Variants in MRPS6 observed in about 807,000 individuals in gnomAD.
MRPS6 encodes mitochondrial ribosomal protein S6, also known as small ribosomal subunit protein bS6m.
Under a neutral mutation model 13.1 loss-of-function variants are expected in MRPS6, and 6 were observed. The observed-to-expected ratio is 0.46, with a 90% CI of 0.25 to 0.91. The LOEUF is 0.91. Ranked by LOEUF, MRPS6 falls within the 40% of genes least tolerant of loss-of-function variation. The probability of loss-of-function intolerance (pLI) is 0.18; values close to 1 mark genes in which losing one functional copy is unlikely to be tolerated. For synonymous variants in MRPS6, 61 were observed against 56.5 expected, an observed-to-expected ratio of 1.08 and a Z score of -0.36; for missense variants, 164 against 155.6, an observed-to-expected ratio of 1.05 and a Z score of -0.29.
At chr21:34,137,313 G>A (rs151044909) in intron 2 of MRPS6, among the ~76,000 whole-genome samples, 1 of 152,140 alleles carries the variant, frequency 6.6e-6, no homozygotes, top group African/African-American at 2.4e-5. Context: ...CCGTGAACAA[G>A]ATATACCTGA....
intron 1 of MRPS6, chr21:34,100,690 T>G (rs62212119): frequency 1.0e-6 from 1 of 1,000,016 alleles, no homozygotes; most frequent in East Asian, 1.1e-4. Context: ...TATGCACTTC[T>G]GTAACTTGAG....
At chr21:34,125,570 A>G (rs1372785431) in intron 2 of MRPS6, 90 bp downstream of exon 2, 1 of 1,536,540 alleles carries the variant, frequency 6.5e-7, no homozygotes, top group African/African-American at 1.4e-5. Flanking sequence ...TTAAAATTTC[A>G]CATTGAGACC....
At position 34,096,383 on chromosome 21, in the gene MRPS6, C is replaced by T; in HGVS notation, c.45+22638C>T. ...GTACCATATTCACCCTCGATGTGTA[C>T]AAACTTATCCGCAAGAGCGCAAGCT... On this transcript the variant is annotated intron_variant, in intron 1 of 2. Coordinates refer to ENST00000399312, the MANE Select transcript of MRPS6 (RefSeq NM_032476.4). This position sits in a 1 kb window ranked among gnomAD's most constrained non-coding sequence, Gnocchi z 5.9. 6.2e-7 allele frequency: 1 copy of T among 1,614,142 alleles called. No individual in the cohort carries two copies. Among genetic ancestry groups the T allele is most frequent in the South Asian group, 1.1e-5 (1 of 91,084 alleles).
intron 2 of MRPS6, among the ~76,000 whole-genome samples, chr21:34,134,262 T>G (rs944337008): frequency 6.6e-6 from 1 of 152,226 alleles, no homozygotes; most frequent in Non-Finnish European, 1.5e-5. Context: ...CAGGATTATG[T>G]GTAGTTTTCA....
Position 34,106,361 on chromosome 21 carries a change from T to A in MRPS6, c.46-18980T>A, listed in dbSNP as rs114037685. On this transcript the variant is annotated intron_variant, in intron 1 of 2. Coordinates refer to ENST00000399312, the MANE Select transcript of MRPS6 (RefSeq NM_032476.4). ...TTTGTACCTCAGTTTCTTTTGCCCT[T>A]GGCCCATGAATGGTTTCCAGTGAAT... 1,154 of 198,890 alleles carry A rather than the reference T, an allele frequency of 5.8e-3. 15 individuals carry two copies. Among genetic ancestry groups the A allele is most frequent in the African/African-American group, 0.026 (1,104 of 42,192 alleles). 12.3% of individuals were successfully genotyped at this position (198,890 alleles called of 1,614,324 possible). A position where few individuals can be genotyped will look rare whatever the true frequency, so the allele number is the denominator to read the frequency against.
At chr21:34,079,233 AC>A (rs1246586413) in intron 1 of MRPS6, among the ~76,000 whole-genome samples, 1 of 152,224 alleles carries the variant, frequency 6.6e-6, no homozygotes, top group Non-Finnish European at 1.5e-5. Flanking sequence ...ATTTCATAAA[AC>A]TTTCACATTT....
chr21:34,100,904 G>A (rs369478396), intron 1 of MRPS6: 9 of 1,000,126 alleles, frequency 9.0e-6, no homozygotes, highest in Non-Finnish European at 1.1e-5. Context: ...CAAAGGTTAG[G>A]TCTTCCCTGT....
At chr21:34,114,866 CTATAAT>C (rs1979841419) in intron 1 of MRPS6, among the ~76,000 whole-genome samples, 1 of 152,166 alleles carries the variant, frequency 6.6e-6, no homozygotes. Context: ...GTTGGATCTC[CTATAAT>C]TATGTCTTCC....
chr21:34,077,834 C>G (rs1489449642), intron 1 of MRPS6, among the ~76,000 whole-genome samples: 1 of 152,032 alleles, frequency 6.6e-6, no homozygotes, highest in Non-Finnish European at 1.5e-5. Context: ...AGTTGGTTTT[C>G]TGGTAGAGTG....
chr21:34,082,826 G>A (rs896041096), intron 1 of MRPS6, among the ~76,000 whole-genome samples: 3 of 151,992 alleles, frequency 2.0e-5, no homozygotes, highest in African/African-American at 7.3e-5. Context: ...GTACGTTTTG[G>A]CCCAAGGTGT....
chr21:34,102,269 AGTC>A (rs1389368739), intron 1 of MRPS6: 1 of 999,664 alleles, frequency 1.0e-6, no homozygotes, highest in African/African-American at 1.7e-5. Context: ...TTCACTTAGT[AGTC>A]ATATAAATGT....
chr21:34,121,344 A>G (rs1373833372), intron 1 of MRPS6, among the ~76,000 whole-genome samples: 2 of 152,200 alleles, frequency 1.3e-5, no homozygotes. Context: ...AGAACTACTA[A>G]TTTAGCAGAT....
At chr21:34,080,632 C>G (rs1432210976) in intron 1 of MRPS6, among the ~76,000 whole-genome samples, 4 of 152,192 alleles carry the variant, frequency 2.6e-5, no homozygotes, top group Non-Finnish European at 5.9e-5. Flanking sequence ...TTGCATGAAT[C>G]TCATCACGTC....
intron 1 of MRPS6, among the ~76,000 whole-genome samples, chr21:34,121,519 T>C (rs1980121473): frequency 1.3e-5 from 2 of 152,002 alleles, no homozygotes; most frequent in African/African-American, 4.8e-5. Flanking sequence ...TTCAAATGAA[T>C]GTTTTCAGCC....
intron 1 of MRPS6, among the ~76,000 whole-genome samples, chr21:34,086,547 G>A (rs1450158999): frequency 7.3e-6 from 1 of 137,438 alleles, no homozygotes; most frequent in Non-Finnish European, 1.6e-5. Context: ...GTGTGTGTGT[G>A]TATCTTCCTG....
intron 1 of MRPS6, among the ~76,000 whole-genome samples, chr21:34,086,200 T>C (rs1022696040): frequency 6.6e-6 from 1 of 152,116 alleles, no homozygotes; most frequent in African/African-American, 2.4e-5. Context: ...AGAAATTTGA[T>C]TAGATTCAGG....
At chr21:34,112,712 A>G (rs1168432645) in intron 1 of MRPS6, among the ~76,000 whole-genome samples, 1 of 151,952 alleles carries the variant, frequency 6.6e-6, no homozygotes, top group Admixed American at 6.6e-5. Flanking sequence ...GCAGCTCCCA[A>G]TCCCCCCTCC....
intron 1 of MRPS6, among the ~76,000 whole-genome samples, chr21:34,089,084 A>T (rs967579130): frequency 6.6e-6 from 1 of 151,934 alleles, no homozygotes; most frequent in Non-Finnish European, 1.5e-5. Context: ...TGGAGTGCAG[A>T]GGTGTGATCT....
At chr21:34,088,354 A>G (rs904630691) in intron 1 of MRPS6, among the ~76,000 whole-genome samples, 1 of 151,502 alleles carries the variant, frequency 6.6e-6, no homozygotes, top group African/African-American at 2.4e-5. Flanking sequence ...GTCTGGTCTT[A>G]CAGCTGACCC....
Sources: allele counts gnomAD v4.1 joint callset (sites outside exome capture counted in the v4.1 genomes callset), GRCh38; gene constraint gnomAD v4.1.1; non-coding constraint Gnocchi (gnomAD v3.1); transcripts MANE v1.5; gene names NCBI Gene and HGNC (gene_info 2026-07-23, HGNC 2026-07-21).